The following PIKFYVE variants were observed in gnomAD, a reference collection of about 807,000 sequenced individuals.
PIKFYVE encodes 1-phosphatidylinositol 3-phosphate 5-kinase.
Under a neutral mutation model 257.9 loss-of-function variants are expected in PIKFYVE, and 122 were observed. The observed-to-expected ratio is 0.47, with a 90% CI of 0.41 to 0.55. PIKFYVE has a LOEUF of 0.55. PIKFYVE is among the 20% of genes least tolerant of loss of function. The pLI is 0.00. For synonymous variants in PIKFYVE, 892 were observed against 868.9 expected, an observed-to-expected ratio of 1.03 and a Z score of -0.47; for missense variants, 2,160 against 2,536.6, an observed-to-expected ratio of 0.85 and a Z score of 3.19.
intron 15 of PIKFYVE, among the ~76,000 whole-genome samples, chr2:208,315,710 G>A (rs1695423656): frequency 6.6e-6 from 1 of 152,168 alleles, no homozygotes; most frequent in African/African-American, 2.4e-5. Flanking sequence ...GAAAAGCAGT[G>A]GGTAATTTGC....
At chr2:208,318,311 C>G (rs1037107696) in intron 16 of PIKFYVE, among the ~76,000 whole-genome samples, 4 of 152,184 alleles carry the variant, frequency 2.6e-5, no homozygotes, top group African/African-American at 9.7e-5. Flanking sequence ...GATAGCTCTT[C>G]TAGTGCTCGG....
At chr2:208,331,777 A>G (rs1697568723) in intron 23 of PIKFYVE, among the ~76,000 whole-genome samples, 1 of 152,210 alleles carries the variant, frequency 6.6e-6, no homozygotes, top group African/African-American at 2.4e-5. Context: ...GAAGGGCAAA[A>G]TCAAAGTTGC....
chr2:208,350,167 A>G (rs1226962735), intron 36 of PIKFYVE, 84 bp downstream of exon 36: 7 of 1,563,032 alleles, frequency 4.5e-6, no homozygotes, highest in Non-Finnish European at 6.1e-6. Context: ...CTAGCTTCAT[A>G]CTAAATAAAT....
At chr2:208,312,651 A>G (rs971101185) in intron 13 of PIKFYVE, among the ~76,000 whole-genome samples, 2 of 152,240 alleles carry the variant, frequency 1.3e-5, no homozygotes, top group African/African-American at 4.8e-5. Context: ...AAATTTGTCA[A>G]AAAGCCCACA....
chr2:208,343,552 CAAT>C lies in PIKFYVE; in HGVS notation c.5027+906_5027+908del, dbSNP rs374050545. ...AGCCACAGTAAGAGATGAACAACAA[CAAT>C]AAGATAGGACAGTTTTATAATAATA... On this transcript the variant is annotated intron_variant, in intron 32 of 41. Transcript: ENST00000264380. 6.2e-4 allele frequency among the ~76,000 whole-genome samples: 94 copies of C among 152,234 alleles called. 3 individuals carry two copies. In the South Asian group the frequency reaches 0.011, roughly 17 times the overall value.
intron 35 of PIKFYVE, among the ~76,000 whole-genome samples, chr2:208,349,234 C>T (rs1222616606): frequency 6.6e-6 from 1 of 152,092 alleles, no homozygotes; most frequent in Non-Finnish European, 1.5e-5. Flanking sequence ...ATTCTATAGG[C>T]TGCTTGCTAT....
chr2:208,337,728 T>A (rs1420601321), intron 28 of PIKFYVE, among the ~76,000 whole-genome samples: 1 of 150,848 alleles, frequency 6.6e-6, no homozygotes, highest in African/African-American at 2.4e-5. Flanking sequence ...CTGCAAAAAT[T>A]TTTTTTTTTG....
chr2:208,289,023 G>A (rs1224162503), intron 7 of PIKFYVE, among the ~76,000 whole-genome samples: 1 of 152,086 alleles, frequency 6.6e-6, no homozygotes, highest in East Asian at 1.9e-4. Context: ...AGTGGCTTCC[G>A]GGTTTGGAAC....
At chr2:208,290,433 A>C (rs775772781) in intron 7 of PIKFYVE, among the ~76,000 whole-genome samples, 1 of 152,182 alleles carries the variant, frequency 6.6e-6, no homozygotes, top group African/African-American at 2.4e-5. Flanking sequence ...AGTTTTCTCT[A>C]TGTCTTTCCA....
chr2:208,297,941 C>T (rs2125290774), intron 7 of PIKFYVE, among the ~76,000 whole-genome samples: 1 of 151,736 alleles, frequency 6.6e-6, no homozygotes, highest in Admixed American at 6.5e-5. Flanking sequence ...AAACAAATTT[C>T]TTGTAATTTT....
intron 16 of PIKFYVE, among the ~76,000 whole-genome samples, chr2:208,319,780 G>C (rs1276719015): frequency 6.6e-6 from 1 of 152,124 alleles, no homozygotes; most frequent in African/African-American, 2.4e-5. Flanking sequence ...CCACCTTAAT[G>C]ATTGTTTGGA....
intron 35 of PIKFYVE, among the ~76,000 whole-genome samples, chr2:208,348,358 A>G (rs1237094513): frequency 6.6e-6 from 1 of 152,186 alleles, no homozygotes; most frequent in Non-Finnish European, 1.5e-5. Context: ...TATATACTCA[A>G]ATGTTTTCAT....
Position 208,271,584 on chromosome 2 carries a change from C to G in PIKFYVE, c.65C>G (p.Thr22Ser). The G allele has an allele frequency of 6.2e-7, 1 of 1,614,104 alleles. No homozygotes were observed. Among genetic ancestry groups the G allele is most frequent in the Non-Finnish European group, 8.5e-7 (1 of 1,179,940 alleles). The change falls in exon 2 of 42, where the codon ACT (threonine) becomes AGT (serine). Residue 22 changes from threonine (T) to serine (S), a missense_variant. Physicochemically the swap from Thr to Ser is moderately conservative, Grantham distance 58. Transcript: ENST00000264380. ...GCTAATGATTTGCCTCGATCTCCTA[C>G]TAGTCCTTCTCATCTCACACACTTT... ...DSANDLPRSP[T>S]SPSHLTHFKP...
intron 5 of PIKFYVE, among the ~76,000 whole-genome samples, chr2:208,282,207 A>G (rs937794340): frequency 2.6e-5 from 4 of 152,230 alleles, no homozygotes; most frequent in South Asian, 2.1e-4. Flanking sequence ...ACATTACACA[A>G]TGGACTATCA....
chr2:208,300,118 TAA>T (rs1160891820), intron 8 of PIKFYVE, among the ~76,000 whole-genome samples: 1 of 152,000 alleles, frequency 6.6e-6, no homozygotes, highest in Non-Finnish European at 1.5e-5. Flanking sequence ...ACTTTAATAA[TAA>T]AAAAGTGTCA....
At chr2:208,319,251 C>G (rs1695922626) in intron 16 of PIKFYVE, among the ~76,000 whole-genome samples, 1 of 152,148 alleles carries the variant, frequency 6.6e-6, no homozygotes, top group African/African-American at 2.4e-5. Flanking sequence ...CATTAAGATT[C>G]CTGAAAATTA....
chr2:208,303,339 A>T (rs528525430), intron 10 of PIKFYVE, among the ~76,000 whole-genome samples: 2 of 152,020 alleles, frequency 1.3e-5, no homozygotes, highest in East Asian at 3.9e-4. Context: ...AGGGATACTG[A>T]CCCCCTGTAT....
At chr2:208,339,332 G>A in intron 29 of PIKFYVE, 86 bp from the exon 30 acceptor site, 1 of 1,455,934 alleles carries the variant, frequency 6.9e-7, no homozygotes, top group South Asian at 1.1e-5. Flanking sequence ...TAGGAAGTAG[G>A]CATATGAATG....
At chr2:208,351,274 T>C in intron 37 of PIKFYVE, 78 bp from the exon 38 acceptor site, 1 of 1,167,484 alleles carries the variant, frequency 8.6e-7, no homozygotes, top group South Asian at 1.2e-5. Flanking sequence ...CCTAATCATT[T>C]AGGATCTTTG....
Sources: allele counts gnomAD v4.1 joint callset (sites outside exome capture counted in the v4.1 genomes callset), GRCh38; gene constraint gnomAD v4.1.1; transcripts MANE v1.5; gene names NCBI Gene and HGNC (gene_info 2026-07-23, HGNC 2026-07-21).